KLHL29: variants seen among roughly 807,000 people sequenced by gnomAD.
The protein encoded by KLHL29 is kelch like family member 29.
Under a neutral mutation model 80.4 loss-of-function variants are expected in KLHL29, and 21 were observed. That is an observed-to-expected ratio of 0.26 (90% confidence interval 0.19 to 0.38). The LOEUF is 0.38. Ranked by LOEUF, KLHL29 falls within the 10% of genes least tolerant of loss-of-function variation. KLHL29 has a pLI of 1.00. For missense variants in KLHL29, 867 were observed against 1,223.9 expected (o/e 0.71, Z 4.35); for synonymous variants, 511 against 526.8 (o/e 0.97, Z 0.41).
Position 23,562,795 on chromosome 2 carries a change from A to G in KLHL29, c.285+314A>G, listed in dbSNP as rs1420752979. Among the ~76,000 whole-genome samples the G allele has an allele frequency of 1.3e-5, 2 of 152,208 alleles. No individual in the cohort carries two copies. The highest frequency in any genetic ancestry group is 2.9e-5 in the Non-Finnish European group (2 of 68,036). On this transcript the variant is annotated intron_variant, in intron 3 of 13. Transcript: ENST00000486442. This position sits in a 1 kb window ranked among gnomAD's most constrained non-coding sequence, Gnocchi z 4.5. ...AACAGTGGACCTCCAAGATGGCAAT[A>G]TGGGGTTCCTAAATAGATAAATTGA...
intron 1 of KLHL29, among the ~76,000 whole-genome samples, chr2:23,455,726 C>T (rs1377021818): frequency 6.6e-6 from 1 of 151,728 alleles, no homozygotes; most frequent in Non-Finnish European, 1.5e-5. Context: ...ATTCTCCTGC[C>T]TCAGCCTCCC....
intron 2 of KLHL29, among the ~76,000 whole-genome samples, chr2:23,532,409 G>A (rs955833782): frequency 1.1e-4 from 16 of 152,234 alleles, no homozygotes; most frequent in African/African-American, 3.6e-4. Context: ...GAATGGAGAC[G>A]GTGGGAGCTG....
chr2:23,606,512 A>G (rs1339943737), intron 3 of KLHL29, among the ~76,000 whole-genome samples: 5 of 152,206 alleles, frequency 3.3e-5, no homozygotes, highest in African/African-American at 9.6e-5. Flanking sequence ...AATCTGCCCA[A>G]AATTCCGTGT....
At chr2:23,600,074 C>T (rs961662088) in intron 3 of KLHL29, among the ~76,000 whole-genome samples, 10 of 152,194 alleles carry the variant, frequency 6.6e-5, no homozygotes, top group Admixed American at 2.0e-4. Context: ...GGACATGTAT[C>T]CGCATATGTT....
In KLHL29 at chr2:23,413,481, A is replaced by T. The variant is rs138964612; in HGVS notation, c.-154+27701A>T. ...TCTACTCCACTGAGCCAGGACTGCC[A>T]TCACCGGGCAGAGGTTAATTGAAAA... On this transcript the variant is annotated intron_variant, in intron 1 of 13. Transcript: ENST00000486442. Among the ~76,000 whole-genome samples the T allele has an allele frequency of 3.9e-5, 6 of 152,324 alleles. No individual in the cohort carries two copies. The East Asian group carries it at 1.2e-3, about 29-fold the overall frequency.
chr2:23,433,059 C>T (rs577629732), intron 1 of KLHL29, among the ~76,000 whole-genome samples: 46 of 152,204 alleles, frequency 3.0e-4, no homozygotes, highest in Non-Finnish European at 4.3e-4. Context: ...GTGTGCCCTC[C>T]GTTGTCTTGA....
chr2:23,631,493 T>G (rs2149150073), intron 3 of KLHL29, among the ~76,000 whole-genome samples: 1 of 152,136 alleles, frequency 6.6e-6, no homozygotes, highest in Middle Eastern at 3.4e-3. Flanking sequence ...TTAGTATTAT[T>G]AGAAATTTCA....
chr2:23,400,946 G>A lies in KLHL29; in HGVS notation c.-154+15166G>A, dbSNP rs111925439. 1.4e-3 allele frequency among the ~76,000 whole-genome samples: 214 copies of A among 152,328 alleles called. 1 individual carries two copies. Among genetic ancestry groups the A allele is most frequent in the African/African-American group, 4.9e-3 (205 of 41,568 alleles). The stretch of plus-strand genomic sequence containing the variant: ...CATAGGCAAGTTAATCTCTTGGAGC[G>A]TAGCTACCTCATATGATAGCATCAA... On this transcript the variant is annotated intron_variant, in intron 1 of 13. Transcript: ENST00000486442.
chr2:23,473,782 G>A (rs1462898279), intron 1 of KLHL29, among the ~76,000 whole-genome samples: 1 of 152,068 alleles, frequency 6.6e-6, no homozygotes, highest in Non-Finnish European at 1.5e-5. Flanking sequence ...AGCCTACAGG[G>A]CCCTACGCAA....
chr2:23,423,655 C>T (rs1390547145), intron 1 of KLHL29, among the ~76,000 whole-genome samples: 1 of 152,098 alleles, frequency 6.6e-6, no homozygotes, highest in Non-Finnish European at 1.5e-5. Flanking sequence ...GCCTGGCGGG[C>T]GGGGGTCCTG....
intron 3 of KLHL29, among the ~76,000 whole-genome samples, chr2:23,625,427 C>T (rs776247349): frequency 2.0e-5 from 3 of 152,164 alleles, no homozygotes; most frequent in East Asian, 1.9e-4. Context: ...GTGGATTCTC[C>T]GGAGATAAAT....
chr2:23,522,844 G>A (rs1269490736), intron 2 of KLHL29, among the ~76,000 whole-genome samples: 2 of 152,186 alleles, frequency 1.3e-5, no homozygotes, highest in Non-Finnish European at 2.9e-5. Context: ...CCCTGCTGCC[G>A]CCACAGAGTT....
At chr2:23,540,022 C>A (rs1057216198) in intron 2 of KLHL29, among the ~76,000 whole-genome samples, 2 of 152,168 alleles carry the variant, frequency 1.3e-5, no homozygotes, top group African/African-American at 4.8e-5. Context: ...TGTGAGTTGA[C>A]TCTGGCATCC....
chr2:23,572,855 C>T (rs1389155040), intron 3 of KLHL29, among the ~76,000 whole-genome samples: 4 of 152,206 alleles, frequency 2.6e-5, no homozygotes, highest in African/African-American at 4.8e-5. Flanking sequence ...CACCCGCCTC[C>T]GCGCCTGGCT....
rs1572480268 is a variant in KLHL29, at chr2:23,397,458, C to T, written c.-154+11678C>T. On this transcript the variant is annotated intron_variant, in intron 1 of 13. Transcript: ENST00000486442. ...TGGTCACTCACTGACTGTGAAGTCA[C>T]AATTTGACAGCTGTAACTGTCTGCT... 3.3e-5 allele frequency among the ~76,000 whole-genome samples: 5 copies of T among 152,392 alleles called. 1 individual carries two copies. The highest frequency in any genetic ancestry group is 3.3e-4 in the Admixed American group (5 of 15,312).
intron 1 of KLHL29, among the ~76,000 whole-genome samples, chr2:23,387,154 A>G (rs900461421): frequency 2.0e-5 from 3 of 152,194 alleles, no homozygotes; most frequent in Non-Finnish European, 4.4e-5. Flanking sequence ...ATGTAGCATT[A>G]GGCGAGACCT....
chr2:23,485,050 G>A (rs766165634), intron 2 of KLHL29, among the ~76,000 whole-genome samples: 82 of 152,178 alleles, frequency 5.4e-4, no homozygotes, highest in Non-Finnish European at 1.0e-3. Flanking sequence ...TCCTGGTTCC[G>A]GTGTGGTCCT....
intron 3 of KLHL29, among the ~76,000 whole-genome samples, chr2:23,593,041 C>T (rs1668308375): frequency 6.6e-6 from 1 of 152,136 alleles, no homozygotes; most frequent in African/African-American, 2.4e-5. Context: ...CAGAAATTAG[C>T]AAGCAGGAGC....
At chr2:23,597,942 A>T (rs1668469804) in intron 3 of KLHL29, among the ~76,000 whole-genome samples, 1 of 152,078 alleles carries the variant, frequency 6.6e-6, no homozygotes, top group Non-Finnish European at 1.5e-5. Flanking sequence ...GGAGAGATGC[A>T]CAGGATGCCT....
Sources: allele counts gnomAD v4.1 joint callset (sites outside exome capture counted in the v4.1 genomes callset), GRCh38; gene constraint gnomAD v4.1.1; non-coding constraint Gnocchi (gnomAD v3.1); transcripts MANE v1.5; gene names NCBI Gene and HGNC (gene_info 2026-07-23, HGNC 2026-07-21).